Variants in NRXN1 observed in about 807,000 individuals in gnomAD.
NRXN1 encodes the protein neurexin 1.
A neutral mutation model predicts 150.9 loss-of-function variants in NRXN1; 39 were observed. That is an observed-to-expected ratio of 0.26 (90% confidence interval 0.20 to 0.34). The LOEUF (loss-of-function observed/expected upper bound fraction) is 0.34, where lower values mean the gene tolerates loss of function less well. Ranked by LOEUF, NRXN1 falls within the 10% of genes least tolerant of loss-of-function variation. The pLI is 1.00. For missense variants in NRXN1, 1,815 were observed against 1,949.9 expected (o/e 0.93, Z 1.30); for synonymous variants, 924 against 757.0 (o/e 1.22, Z -3.62).
chr2:50,502,220 A>G (rs1401650276), intron 13 of NRXN1, among the ~76,000 whole-genome samples: 2 of 132,880 alleles, frequency 1.5e-5, no homozygotes, highest in East Asian at 3.9e-4. Flanking sequence ...GAAAGAAAGG[A>G]AAGAAGGAAG....
intron 5 of NRXN1, among the ~76,000 whole-genome samples, chr2:50,789,092 T>A (rs996215202): frequency 1.3e-5 from 2 of 152,138 alleles, no homozygotes; most frequent in African/African-American, 2.4e-5. Context: ...ATTAAGGAAT[T>A]TCATATATTC....
intron 18 of NRXN1, among the ~76,000 whole-genome samples, chr2:50,145,189 G>T (rs529616870): frequency 5.9e-4 from 89 of 151,386 alleles, no homozygotes; most frequent in African/African-American, 2.0e-3. Context: ...TATAGAAAAG[G>T]TGCAAAAAAA....
chr2:50,617,602 C>G (rs779812368), intron 8 of NRXN1, among the ~76,000 whole-genome samples: 2 of 152,162 alleles, frequency 1.3e-5, no homozygotes, highest in African/African-American at 4.8e-5. Context: ...ATGGGGAAGA[C>G]AGAGTTGGAA....
intron 7 of NRXN1, chr2:50,620,829 A>G: frequency 4.8e-6 from 1 of 207,832 alleles, no homozygotes; most frequent in Non-Finnish European, 9.5e-6. Flanking sequence ...CTGCTTTGTG[A>G]TGACGTAAAG....
chr2:50,193,768 T>C (rs2061585916), intron 18 of NRXN1, among the ~76,000 whole-genome samples: 1 of 152,176 alleles, frequency 6.6e-6, no homozygotes, highest in African/African-American at 2.4e-5. Flanking sequence ...AATTATATTC[T>C]TTTAATATTT....
intron 5 of NRXN1, among the ~76,000 whole-genome samples, chr2:50,680,236 T>G (rs1241899248): frequency 2.0e-5 from 3 of 152,070 alleles, no homozygotes; most frequent in Admixed American, 6.6e-5. Context: ...TTATAATATA[T>G]CTGATGCCTG....
intron 17 of NRXN1, among the ~76,000 whole-genome samples, chr2:50,434,333 C>T (rs1263084141): frequency 3.3e-5 from 5 of 152,000 alleles, no homozygotes; most frequent in African/African-American, 7.2e-5. Flanking sequence ...CCGCCTACCT[C>T]GGCCTCCCAC....
chr2:50,848,799 T>C (rs1046848228), intron 5 of NRXN1, among the ~76,000 whole-genome samples: 3 of 152,174 alleles, frequency 2.0e-5, no homozygotes, highest in African/African-American at 4.8e-5. Context: ...TTGTACACTC[T>C]TGGAGGGAAA....
chr2:50,948,910 T>A (rs1468105155), intron 2 of NRXN1, among the ~76,000 whole-genome samples: 1 of 152,042 alleles, frequency 6.6e-6, no homozygotes, highest in East Asian at 1.9e-4. Context: ...TGAATAGGTA[T>A]TTCCATGAAT....
chr2:50,318,355 G>C (rs906189313), intron 17 of NRXN1, among the ~76,000 whole-genome samples: 2 of 152,100 alleles, frequency 1.3e-5, no homozygotes, highest in East Asian at 3.9e-4. Flanking sequence ...GTGGACAGCA[G>C]GTGAATGGTA....
At chr2:50,985,215 C>T (rs1697502746) in intron 2 of NRXN1, among the ~76,000 whole-genome samples, 1 of 151,806 alleles carries the variant, frequency 6.6e-6, no homozygotes, top group African/African-American at 2.4e-5. Context: ...TAGTAAATAT[C>T]ACCAACATCC....
intron 5 of NRXN1, among the ~76,000 whole-genome samples, chr2:50,896,001 C>T (rs960253564): frequency 1.3e-5 from 2 of 152,178 alleles, no homozygotes; most frequent in South Asian, 2.1e-4. Flanking sequence ...CAAATTATCT[C>T]GAAATTCTCT....
At chr2:50,405,907 A>G (rs1243315657) in intron 17 of NRXN1, among the ~76,000 whole-genome samples, 1 of 152,166 alleles carries the variant, frequency 6.6e-6, no homozygotes, top group African/African-American at 2.4e-5. Flanking sequence ...TTGTTAATTC[A>G]TTGAAATTCT....
chr2:50,835,670 A>G (rs537685949), intron 5 of NRXN1, among the ~76,000 whole-genome samples: 2 of 152,356 alleles, frequency 1.3e-5, no homozygotes, highest in African/African-American at 4.8e-5. Context: ...TAAATGAATA[A>G]TAATTCTTCA....
chr2:49,999,002 G>A (rs2193866), intron 21 of NRXN1, among the ~76,000 whole-genome samples: 72,136 of 151,900 alleles, frequency 0.47, 17,714 homozygotes, highest in Middle Eastern at 0.62. Context: ...ATTTTAGGCC[G>A]ATGCTTCTCG....
At chr2:50,404,155 T>C (rs200019662) in intron 17 of NRXN1, among the ~76,000 whole-genome samples, 8 of 77,074 alleles carry the variant, frequency 1.0e-4, no homozygotes, top group African/African-American at 3.2e-4. Context: ...TTTTGTTTAG[T>C]TTTTTTTTGT....
At chr2:50,993,675 C>T (rs1160861272) in intron 2 of NRXN1, among the ~76,000 whole-genome samples, 3 of 151,894 alleles carry the variant, frequency 2.0e-5, no homozygotes, top group Non-Finnish European at 4.4e-5. Flanking sequence ...AAGTGGAATG[C>T]TAATAAAATT....
At chr2:49,999,137 T>G (rs1202578538) in intron 21 of NRXN1, among the ~76,000 whole-genome samples, 11 of 152,178 alleles carry the variant, frequency 7.2e-5, no homozygotes, top group Admixed American at 6.6e-4. Context: ...TTGCTGCTGG[T>G]CTTTGCAACA....
In NRXN1 at chr2:50,146,919, GCATTCTAACACT is replaced by G. The variant is rs1440536769; in HGVS notation, c.3547-55437_3547-55426del. Among the ~76,000 whole-genome samples, 4 of 151,722 alleles carry G rather than the reference GCATTCTAACACT, an allele frequency of 2.6e-5. No individual in the cohort carries two copies. The East Asian group carries it at 5.8e-4, about 22-fold the overall frequency. On this transcript the variant is annotated intron_variant, in intron 18 of 22. Transcript: ENST00000401669. Reference sequence around the variant, plus strand: ...TCTTAAGAATTTATTTTGCATTTATGCATTCTAACACTCATTTTCACATTACCACTTCATGTT... The same window carrying G: ...TCTTAAGAATTTATTTTGCATTTATGCATTTTCACATTACCACTTCATGTT...
Sources: gnomAD v4.1 joint callset for allele counts (sites outside exome capture counted in the v4.1 genomes callset) on GRCh38, gnomAD v4.1.1 for gene constraint, MANE v1.5 for transcripts, NCBI Gene and HGNC (gene_info 2026-07-23, HGNC 2026-07-21) for gene names.